Variants in DRC4 observed in about 807,000 individuals in gnomAD.
DRC4 encodes dynein regulatory complex subunit 4, also known as GAS-11.
chr16:90,042,226 G>A, the DRC4 span: 3 of 564,092 alleles, frequency 5.3e-6, no homozygotes, highest in Admixed American at 2.2e-5. Context: ...GTGAGCGGCA[G>A]TGCCTGGCCT....
chr16:90,028,890 A>T, the DRC4 span: 2 of 1,228,212 alleles, frequency 1.6e-6, no homozygotes, highest in Non-Finnish European at 2.1e-6. Flanking sequence ...AGTTGGAGCT[A>T]GGCAGAGGTC....
the DRC4 span, chr16:90,033,041 TC>T: frequency 9.5e-7 from 1 of 1,051,344 alleles, no homozygotes; most frequent in Non-Finnish European, 1.4e-6. Flanking sequence ...CATAAGACTT[TC>T]TGCATTTTTG....
chr16:90,028,831 TA>T, the DRC4 span: 1 of 788,284 alleles, frequency 1.3e-6, no homozygotes, highest in Non-Finnish European at 1.8e-6. Context: ...TTGATAGTTG[TA>T]AGATAAAAAA....
chr16:90,043,430 T>C, the DRC4 span: 1 of 1,313,196 alleles, frequency 7.6e-7, no homozygotes, highest in Non-Finnish European at 1.0e-6. Flanking sequence ...GACAGCAAGT[T>C]TTTTAGATTT....
the DRC4 span, chr16:90,022,594 C>A: frequency 3.6e-6 from 4 of 1,103,958 alleles, no homozygotes; most frequent in East Asian, 9.7e-5. Flanking sequence ...AGGGCCGCTG[C>A]CCGGCGGAGT....
the DRC4 span, among the ~76,000 whole-genome samples, chr16:90,021,363 C>T: frequency 6.6e-6 from 1 of 152,106 alleles, no homozygotes; most frequent in African/African-American, 2.4e-5. Context: ...AGCATGGATT[C>T]TGTACTCTTC....
At chr16:90,026,362 G>A in the DRC4 span, among the ~76,000 whole-genome samples, 1 of 152,176 alleles carries the variant, frequency 6.6e-6, no homozygotes, top group Non-Finnish European at 1.5e-5. Context: ...GACGCCATGT[G>A]CAGTTCCGTC....
At chr16:90,026,424 C>G in the DRC4 span, among the ~76,000 whole-genome samples, 1 of 152,150 alleles carries the variant, frequency 6.6e-6, no homozygotes, top group East Asian at 1.9e-4. Flanking sequence ...CCCAAGCTTT[C>G]TTGACCAGGC....
chr16:90,032,644 C>T, the DRC4 span: 19 of 1,400,908 alleles, frequency 1.4e-5, no homozygotes, highest in Non-Finnish European at 1.9e-5. Flanking sequence ...CTATGGGTGA[C>T]CAGGTGTGCA....
At chr16:90,042,941 T>C in the DRC4 span, 7 of 530,478 alleles carry the variant, frequency 1.3e-5, no homozygotes, top group Non-Finnish European at 2.4e-5. Flanking sequence ...AGCTCTGCCC[T>C]GAGTGTCCCT....
At chr16:90,032,791 C>G in the DRC4 span, 17 of 1,613,974 alleles carry the variant, frequency 1.1e-5, no homozygotes, top group Non-Finnish European at 1.4e-5. Context: ...GCTGAGGGCA[C>G]TGTAGTCATG....
At chr16:90,021,811 G>T in the DRC4 span, among the ~76,000 whole-genome samples, 1 of 142,256 alleles carries the variant, frequency 7.0e-6, no homozygotes, top group Non-Finnish European at 1.5e-5. Context: ...CGAGGCTGCA[G>T]TGAGTTGTGA....
At chr16:90,023,760 G>A in the DRC4 span, among the ~76,000 whole-genome samples, 2 of 151,114 alleles carry the variant, frequency 1.3e-5, no homozygotes, top group East Asian at 1.9e-4. Flanking sequence ...TTGGGAGGCC[G>A]AGGCAGGCGG....
At chr16:90,043,185 T>C in the DRC4 span, 3 of 1,604,192 alleles carry the variant, frequency 1.9e-6, no homozygotes, top group Admixed American at 3.4e-5. Context: ...GACACTGCCC[T>C]GTCTCCACAG....
the DRC4 span, among the ~76,000 whole-genome samples, chr16:90,039,606 C>T: frequency 1.3e-5 from 2 of 152,084 alleles, no homozygotes; most frequent in Non-Finnish European, 2.9e-5. Context: ...AGGCTGGTCT[C>T]GAACTCCTGA....
chr16:90,032,835 A>T, the DRC4 span: 1 of 1,613,950 alleles, frequency 6.2e-7, no homozygotes, highest in Non-Finnish European at 8.5e-7. Context: ...CATACAGGAG[A>T]GTGTGCTGCG....
chr16:90,031,542 C>A, the DRC4 span: 6 of 1,515,980 alleles, frequency 4.0e-6, no homozygotes, highest in South Asian at 5.0e-5. Flanking sequence ...ACCACAGAGC[C>A]CCAGAGGAGC....
the DRC4 span, chr16:90,043,898 G>A: frequency 1.3e-5 from 6 of 453,402 alleles, no homozygotes; most frequent in Non-Finnish European, 2.8e-5. Flanking sequence ...GCAGCCTCCC[G>A]CTGCCAGTCT....
chr16:90,042,831 C>T, the DRC4 span: 1 of 510,498 alleles, frequency 2.0e-6, no homozygotes, highest in Non-Finnish European at 3.6e-6. Context: ...GTGCTGTGCC[C>T]ACCGGGGAAG....
Sources: gnomAD v4.1 joint callset for allele counts (sites outside exome capture counted in the v4.1 genomes callset) on GRCh38, gnomAD v4.1.1 for gene constraint, MANE v1.5 for transcripts, NCBI Gene and HGNC (gene_info 2026-07-23, HGNC 2026-07-21) for gene names.